The following DUSP11 variants were observed in gnomAD, a reference collection of about 807,000 sequenced individuals.
DUSP11 encodes the protein dual specificity phosphatase 11.
In DUSP11, 27 loss-of-function variants were observed where a neutral mutation model predicts 41.4. The observed-to-expected ratio is 0.65, with a 90% CI of 0.48 to 0.90. DUSP11 has a LOEUF of 0.90. DUSP11 is among the 40% of genes least tolerant of loss of function. The pLI, the probability that DUSP11 is intolerant of heterozygous loss-of-function variation, is 0.00. For missense variants in DUSP11, 465 were observed against 461.1 expected, an observed-to-expected ratio of 1.01 and a Z score of -0.08; for synonymous variants, 188 against 159.3, an observed-to-expected ratio of 1.18 and a Z score of -1.35.
intron 8 of DUSP11, among the ~76,000 whole-genome samples, chr2:73,765,555 C>T (rs1391056712): frequency 6.6e-6 from 1 of 150,934 alleles, no homozygotes; most frequent in East Asian, 1.9e-4. Flanking sequence ...CATCCACCCA[C>T]CCATCCACCC....
exon 9 of DUSP11, chr2:73,762,213 T>C (rs928446881): frequency 7.2e-5 from 11 of 152,322 alleles, no homozygotes; most frequent in African/African-American, 2.4e-4. Flanking sequence ...TCTAAAGAAA[T>C]TATCTCCTAA....
Position 73,780,091 on chromosome 2 carries a change from G to A in DUSP11, c.25C>T (p.Arg9Cys), listed in dbSNP as rs563112073. 1 of 1,571,860 alleles carries A rather than the reference G, an allele frequency of 6.4e-7. No homozygotes were observed. The highest frequency in any genetic ancestry group is 1.4e-5 in the African/African-American group (1 of 74,050). ...AAGACTCGGCAGCCACCTACGCCGC[G>A]CTCCAGCGTCTCGCTATTGCGCATG... Residue 9 changes from arginine to cysteine, a missense_variant, in exon 1 of 9, where the codon CGC (arginine) becomes TGC (cysteine). Coordinates refer to ENST00000272444, the Ensembl canonical transcript of DUSP11.
chr2:73,774,804 C>A, intron 3 of DUSP11, 109 bp downstream of exon 3: 1 of 849,436 alleles, frequency 1.2e-6, no homozygotes, highest in South Asian at 2.7e-5. Flanking sequence ...ACTTACTACC[C>A]ATCAAAGAAG....
chr2:73,763,853 T>A (rs1672408518), intron 8 of DUSP11, among the ~76,000 whole-genome samples: 1 of 152,242 alleles, frequency 6.6e-6, no homozygotes. Context: ...CATCTTTTTC[T>A]GACTGTTGAA....
intron 3 of DUSP11, 96 bp from the exon 4 acceptor site, chr2:73,774,019 T>C (rs1672634184): frequency 3.7e-6 from 4 of 1,078,212 alleles, no homozygotes; most frequent in Non-Finnish European, 5.2e-6. Context: ...CAAGAGATTA[T>C]AACAAACTTA....
At position 73,774,899 on chromosome 2, in the gene DUSP11, AG is replaced by A. The variant is rs779732802; in HGVS notation, c.450+13del. ...GAAGGAAGAAAGTTCTTTTCATTGA[AG>A]GGTTCCACTTACCTCTGGTTTATAA... is the stretch of plus-strand genomic sequence containing the variant. On this transcript the variant is annotated intron_variant, in intron 3 of 8. Transcript: ENST00000272444. The A allele has an allele frequency of 6.6e-7, 1 of 1,512,076 alleles. No homozygotes were observed. The highest frequency in any genetic ancestry group is 8.9e-7 in the Non-Finnish European group (1 of 1,126,606). The allele number at this position is 1,512,076 out of a possible 1,614,324, so 93.7% of individuals were successfully genotyped here. A position where few individuals can be genotyped will look rare whatever the true frequency, so the allele number is the denominator to read the frequency against.
At chr2:73,773,438 G>T in intron 4 of DUSP11, 1 of 358,482 alleles carries the variant, frequency 2.8e-6, no homozygotes, top group Non-Finnish European at 5.4e-6. Flanking sequence ...GCCCTTTCTT[G>T]TCTCTTTCAC....
intron 1 of DUSP11, 106 bp downstream of exon 1, chr2:73,779,768 T>A: frequency 6.5e-7 from 1 of 1,536,024 alleles, no homozygotes. Flanking sequence ...GGCGGACAAG[T>A]CAAGCTTGCG....
chr2:73,767,157 T>C lies in DUSP11; in HGVS notation c.682+4A>G, dbSNP rs1239924661. ...GGAAAAATAGTGTCAACCCTCATAC[T>C]TACATTCAATTGCATCATCTGGCCT... is the stretch of plus-strand genomic sequence containing the variant. On this transcript the variant is annotated splice_donor_region_variant and intron_variant, in intron 6 of 8. Coordinates refer to ENST00000272444, the Ensembl canonical transcript of DUSP11. 4 of 1,609,172 alleles carry C rather than the reference T, an allele frequency of 2.5e-6. No individual in the cohort carries two copies. The highest frequency in any genetic ancestry group is 1.1e-5 in the South Asian group (1 of 90,688).
At chr2:73,778,900 C>G (rs1049201802) in intron 1 of DUSP11, among the ~76,000 whole-genome samples, 3 of 152,056 alleles carry the variant, frequency 2.0e-5, no homozygotes, top group African/African-American at 7.2e-5. Flanking sequence ...TTAATCCCGG[C>G]AATTTGGGAG....
intron 8 of DUSP11, among the ~76,000 whole-genome samples, chr2:73,766,097 C>G (rs1672453855): frequency 1.3e-5 from 2 of 152,084 alleles, no homozygotes; most frequent in South Asian, 4.1e-4. Flanking sequence ...ATCACAGGGT[C>G]AGGAGATCAA....
intron 4 of DUSP11, among the ~76,000 whole-genome samples, chr2:73,771,048 C>A (rs535009086): frequency 1.3e-5 from 2 of 152,148 alleles, no homozygotes; most frequent in South Asian, 2.1e-4. Context: ...CATAAAGAGG[C>A]CTTCCTGATC....
intron 2 of DUSP11, among the ~76,000 whole-genome samples, chr2:73,776,328 T>C (rs910627372): frequency 6.8e-6 from 1 of 146,094 alleles, no homozygotes; most frequent in Non-Finnish European, 1.5e-5. Context: ...GGCAGGAGAA[T>C]GGCGTGAACC....
rs995730810 is a variant in DUSP11, at chr2:73,776,681, T to C, written c.318+1620A>G. Among the ~76,000 whole-genome samples the C allele has an allele frequency of 2.0e-5, 3 of 152,262 alleles. No homozygotes were observed. The South Asian group carries it at 6.2e-4, about 32-fold the overall frequency. ...GTATGTACATATTATGTTATATATA[T>C]TTTGCCACAAAAAAAATGAGAGAAA... On this transcript the variant is annotated intron_variant, in intron 2 of 8. Transcript: ENST00000272444.
chr2:73,780,135 T>G, exon 1 of DUSP11: 3 of 1,552,578 alleles, frequency 1.9e-6, no homozygotes, highest in Middle Eastern at 3.4e-4. Context: ...CCGGTCGTGA[T>G]GGCGTAGCCA....
chr2:73,773,689 C>T (rs1357278594), intron 4 of DUSP11, 111 bp downstream of exon 4: 11 of 1,119,702 alleles, frequency 9.8e-6, no homozygotes, highest in Middle Eastern at 2.2e-4. Flanking sequence ...TTTTCATCAC[C>T]TTAGCATCAT....
chr2:73,779,691 G>T, intron 1 of DUSP11, 183 bp downstream of exon 1: 1 of 842,592 alleles, frequency 1.2e-6, no homozygotes, highest in South Asian at 1.8e-5. Context: ...GAAATCACAG[G>T]ACATCACAGA....
chr2:73,768,588 C>T (rs955631900), intron 5 of DUSP11: 5 of 985,366 alleles, frequency 5.1e-6, no homozygotes, highest in Non-Finnish European at 4.8e-6. Flanking sequence ...TTCACTACTT[C>T]AATGTTTTAT....
At chr2:73,769,346 G>A in intron 4 of DUSP11, 21 bp from the exon 5 acceptor site, 1 of 1,554,340 alleles carries the variant, frequency 6.4e-7, no homozygotes, top group Non-Finnish European at 8.9e-7. Context: ...AAAATACAGG[G>A]TTAAGTAACT....
Sources: allele counts gnomAD v4.1 joint callset (sites outside exome capture counted in the v4.1 genomes callset), GRCh38; gene constraint gnomAD v4.1.1; transcripts MANE v1.5; gene names NCBI Gene and HGNC (gene_info 2026-07-23, HGNC 2026-07-21).